The following NXPE2 variants were observed in gnomAD, a reference collection of about 807,000 sequenced individuals.
The protein encoded by NXPE2 is neurexophilin and PC-esterase domain family member 2, also known as NXPE family member 2.
A neutral mutation model predicts 34.4 loss-of-function variants in NXPE2; 34 were observed. The observed-to-expected ratio is 0.99, with a 90% CI of 0.75 to 1.31. The LOEUF (loss-of-function observed/expected upper bound fraction) is 1.31. Among genes scored for constraint, NXPE2 ranks in the 40% most tolerant of loss-of-function variants. NXPE2 has a pLI of 0.00. For missense variants in NXPE2, 649 were observed against 672.5 expected, an observed-to-expected ratio of 0.97 and a Z score of 0.39; for synonymous variants, 235 against 231.3, an observed-to-expected ratio of 1.02 and a Z score of -0.15.
chr11:114,580,580 G>GA, the NXPE2 span, among the ~76,000 whole-genome samples: 97 of 151,544 alleles, frequency 6.4e-4, 1 homozygote, highest in East Asian at 0.015. Flanking sequence ...TTTCTTCCCA[G>GA]AAAAAAAATG....
the NXPE2 span, among the ~76,000 whole-genome samples, chr11:114,725,090 C>T: frequency 4.6e-5 from 7 of 151,852 alleles, no homozygotes; most frequent in African/African-American, 7.3e-5. Flanking sequence ...CTAGCTCAGC[C>T]AGCCAAATTT....
At chr11:114,626,003 C>T in the NXPE2 span, among the ~76,000 whole-genome samples, 39 of 152,312 alleles carry the variant, frequency 2.6e-4, no homozygotes, top group East Asian at 4.6e-3. Context: ...GATTATATCC[C>T]GCATTTGGCT....
chr11:114,806,459 A>G, the NXPE2 span, among the ~76,000 whole-genome samples: 3 of 152,058 alleles, frequency 2.0e-5, no homozygotes, highest in East Asian at 1.9e-4. Context: ...AAAAAATTAG[A>G]CAAATGGATA....
the NXPE2 span, among the ~76,000 whole-genome samples, chr11:114,806,594 C>T: frequency 4.6e-5 from 7 of 152,174 alleles, no homozygotes; most frequent in Admixed American, 2.0e-4. Flanking sequence ...GAAAGGGTAT[C>T]AGTGATGGAA....
Position 114,698,589 on chromosome 11 carries a change from A to G in NXPE2, c.677A>G (p.Asn226Ser), listed in dbSNP as rs765601432. 3.1e-6 allele frequency: 5 copies of G among 1,614,064 alleles called. No individual in the cohort carries two copies. The highest frequency in any genetic ancestry group is 3.3e-5 in the Admixed American group (2 of 60,008). Residue 226 changes from asparagine to serine, a missense_variant, in exon 3 of 6, where the codon AAT (asparagine) becomes AGT (serine). By Grantham distance (46) the Asn-to-Ser change is conservative. Coordinates refer to ENST00000389586, the MANE Select transcript of NXPE2 (RefSeq NM_182495.6). ...FTGLFANRSSNVFTECGLTLN... is the reference protein window; with the variant it reads ...FTGLFANRSSSVFTECGLTLN... ...GGCCTGTTTGCCAACAGAAGCTCCA[A>G]TGTCTTCACTGAATGTGGCCTGACC...
the NXPE2 span, chr11:114,571,213 C>T: frequency 1.9e-6 from 3 of 1,613,980 alleles, no homozygotes; most frequent in Non-Finnish European, 2.5e-6. Context: ...GCTTTGTGGA[C>T]ATTGAGGGCC....
chr11:114,792,053 G>A, the NXPE2 span, among the ~76,000 whole-genome samples: 18 of 152,146 alleles, frequency 1.2e-4, no homozygotes, highest in Non-Finnish European at 2.2e-4. Flanking sequence ...GTGAGACTCC[G>A]TCTCAAAAAA....
At chr11:114,621,546 T>A in the NXPE2 span, among the ~76,000 whole-genome samples, 1 of 152,236 alleles carries the variant, frequency 6.6e-6, no homozygotes, top group Non-Finnish European at 1.5e-5. Flanking sequence ...CAGTGGATAA[T>A]AAGTATTACC....
At chr11:114,651,744 T>G in the NXPE2 span, among the ~76,000 whole-genome samples, 2 of 152,182 alleles carry the variant, frequency 1.3e-5, no homozygotes, top group South Asian at 4.1e-4. Context: ...GAGCGCTGAT[T>G]GGTGTGTTTT....
chr11:114,540,932 A>G, the NXPE2 span, among the ~76,000 whole-genome samples: 1 of 121,806 alleles, frequency 8.2e-6, no homozygotes, highest in South Asian at 2.8e-4. Context: ...CAGTCACTGG[A>G]TGGAGGGGGA....
At chr11:114,651,202 C>T in the NXPE2 span, among the ~76,000 whole-genome samples, 1 of 152,008 alleles carries the variant, frequency 6.6e-6, no homozygotes, top group Non-Finnish European at 1.5e-5. Context: ...TTGAGTGTTA[C>T]AGTTCTTAAA....
chr11:114,723,159 T>C, the NXPE2 span, among the ~76,000 whole-genome samples: 1 of 152,160 alleles, frequency 6.6e-6, no homozygotes, highest in Admixed American at 6.6e-5. Flanking sequence ...AGGAACTGGA[T>C]TGGAGACGGT....
At chr11:114,478,413 A>G in the NXPE2 span, among the ~76,000 whole-genome samples, 1 of 152,180 alleles carries the variant, frequency 6.6e-6, no homozygotes, top group African/African-American at 2.4e-5. Context: ...AGACATCTCA[A>G]AGAATTTACA....
the NXPE2 span, among the ~76,000 whole-genome samples, chr11:114,801,487 T>TTTA: frequency 1.3e-5 from 2 of 152,168 alleles, no homozygotes; most frequent in African/African-American, 4.8e-5. Flanking sequence ...AAGCCTGGAT[T>TTTA]TTATTAATTA....
the NXPE2 span, among the ~76,000 whole-genome samples, chr11:114,773,275 T>TCCCC: frequency 1.6e-3 from 63 of 38,350 alleles, no homozygotes; most frequent in East Asian, 1.9e-3. Context: ...CACAACCCAC[T>TCCCC]CCCACCCCCC....
At chr11:114,509,462 A>G in the NXPE2 span, among the ~76,000 whole-genome samples, 1 of 152,170 alleles carries the variant, frequency 6.6e-6, no homozygotes, top group Non-Finnish European at 1.5e-5. Flanking sequence ...TTATAAAGAC[A>G]CATGCATGCA....
At chr11:114,689,247 C>G (rs1361187769) in intron 2 of NXPE2, among the ~76,000 whole-genome samples, 1 of 152,038 alleles carries the variant, frequency 6.6e-6, no homozygotes, top group Non-Finnish European at 1.5e-5. Context: ...CCTAGTGACA[C>G]TAGCTTTGTC....
chr11:114,802,865 T>C, the NXPE2 span, among the ~76,000 whole-genome samples: 8 of 151,434 alleles, frequency 5.3e-5, no homozygotes, highest in South Asian at 1.7e-3. Context: ...ACAATTATAC[T>C]GGAAAGTAAA....
the NXPE2 span, chr11:114,554,139 A>C: frequency 4.1e-6 from 4 of 985,360 alleles, no homozygotes; most frequent in Non-Finnish European, 3.6e-6. Context: ...ATCCTCAGAC[A>C]GGATTGAATC....
Sources: gnomAD v4.1 joint callset for allele counts (sites outside exome capture counted in the v4.1 genomes callset) on GRCh38, gnomAD v4.1.1 for gene constraint, MANE v1.5 for transcripts, NCBI Gene and HGNC (gene_info 2026-07-23, HGNC 2026-07-21) for gene names.